The following PCDHA10 variants were observed in gnomAD, a reference collection of about 807,000 sequenced individuals.
PCDHA10 encodes the protein protocadherin alpha 10.
Under a neutral mutation model 61.2 loss-of-function variants are expected in PCDHA10, and 45 were observed. The ratio of observed to expected loss-of-function variants is 0.74; its 90% CI spans 0.58 to 0.94. The LOEUF is 0.94. Among genes scored for constraint, PCDHA10 ranks in the 40% least tolerant of loss-of-function variants. The probability of loss-of-function intolerance (pLI) is 0.00; values close to 1 mark genes in which losing one functional copy is unlikely to be tolerated. For missense variants in PCDHA10, 1,278 were observed against 1,236.2 expected, an observed-to-expected ratio of 1.03 and a Z score of -0.51; for synonymous variants, 602 against 548.8, an observed-to-expected ratio of 1.10 and a Z score of -1.35.
chr5:140,981,690 A>C (rs1410954672), intron 2 of PCDHA10, among the ~76,000 whole-genome samples: 1 of 150,712 alleles, frequency 6.6e-6, no homozygotes, highest in Non-Finnish European at 1.5e-5. Flanking sequence ...CCCTTCCATC[A>C]TTCATTCATT....
At chr5:140,891,504 A>G (rs1225432214) in intron 1 of PCDHA10, among the ~76,000 whole-genome samples, 1 of 151,662 alleles carries the variant, frequency 6.6e-6, no homozygotes, top group Non-Finnish European at 1.5e-5. Context: ...CTCAGCTATA[A>G]TGTTCTCCAA....
chr5:140,902,024 C>T (rs1554190174), intron 1 of PCDHA10, among the ~76,000 whole-genome samples: 5 of 152,016 alleles, frequency 3.3e-5, no homozygotes, highest in Non-Finnish European at 1.5e-5. Flanking sequence ...TATAGAAATA[C>T]TACTAATTTT....
At chr5:140,918,971 T>C (rs1342049692) in intron 1 of PCDHA10, among the ~76,000 whole-genome samples, 3 of 152,234 alleles carry the variant, frequency 2.0e-5, no homozygotes, top group Admixed American at 6.5e-5. Flanking sequence ...AGATATCGTT[T>C]AGGTTAGTTG....
chr5:141,009,545 A>G, intron 3 of PCDHA10, 82 bp from the exon 4 acceptor site: 2 of 1,535,938 alleles, frequency 1.3e-6, no homozygotes, highest in Non-Finnish European at 1.8e-6. Flanking sequence ...CTGCCTATGC[A>G]GTACTCCTGT....
chr5:140,881,803 T>A (rs574659861), intron 1 of PCDHA10, among the ~76,000 whole-genome samples: 5 of 152,058 alleles, frequency 3.3e-5, no homozygotes, highest in Non-Finnish European at 7.3e-5. Context: ...CCAAAACGAG[T>A]GTCGAATATT....
At chr5:140,922,655 C>G (rs1468761948) in intron 1 of PCDHA10, among the ~76,000 whole-genome samples, 1 of 152,134 alleles carries the variant, frequency 6.6e-6, no homozygotes, top group Non-Finnish European at 1.5e-5. Context: ...GTAAATATGG[C>G]TATACTGCAA....
At chr5:140,895,862 A>T (rs1199310977) in intron 1 of PCDHA10, among the ~76,000 whole-genome samples, 1 of 152,136 alleles carries the variant, frequency 6.6e-6, no homozygotes, top group Non-Finnish European at 1.5e-5. Context: ...CCCAGGCTGG[A>T]GTGCAATGGC....
chr5:140,944,255 A>G (rs1266795910), intron 1 of PCDHA10, among the ~76,000 whole-genome samples: 5 of 152,098 alleles, frequency 3.3e-5, no homozygotes, highest in African/African-American at 1.2e-4. Context: ...TGATGTGATC[A>G]CTGCTCACTG....
chr5:140,936,615 G>T (rs1052104404), intron 1 of PCDHA10, among the ~76,000 whole-genome samples: 1 of 152,178 alleles, frequency 6.6e-6, no homozygotes, highest in Non-Finnish European at 1.5e-5. Context: ...CTGCTACTGT[G>T]CAGTGCTACC....
rs2098421437 is a variant in PCDHA10, at chr5:141,011,660, T to G, written c.*1723T>G. The G allele has an allele frequency of 6.5e-6, 1 of 153,726 alleles. No individual in the cohort carries two copies. Among genetic ancestry groups the G allele is most frequent in the African/African-American group, 2.4e-5 (1 of 41,436 alleles). The allele number at this position is 153,726 out of a possible 1,614,324, so 9.5% of individuals were successfully genotyped here. On this transcript the variant is annotated 3_prime_UTR_variant, in exon 4 of 4. Coordinates refer to ENST00000307360, the MANE Select transcript of PCDHA10 (RefSeq NM_018901.4). ...GCCAAGACTTCTGCTGGCAAGGGAATGGATAAAGCTGTTTTGTTCTAGTAA... is the reference window on the plus strand; with the variant it reads ...GCCAAGACTTCTGCTGGCAAGGGAAGGGATAAAGCTGTTTTGTTCTAGTAA...
At position 141,010,553 on chromosome 5, in the gene PCDHA10, C is replaced by T; in HGVS notation, c.*616C>T. ...CCACCCTCTAGGAGACAAAACTACC[C>T]CCACTGACAAGGCTTTAGGAGACCC... is the stretch of plus-strand genomic sequence containing the variant. On this transcript the variant is annotated 3_prime_UTR_variant, in exon 4 of 4. Transcript: ENST00000307360. The T allele has an allele frequency of 6.2e-6, 2 of 323,850 alleles. No homozygotes were observed. The highest frequency in any genetic ancestry group is 1.1e-5 in the Non-Finnish European group (2 of 176,368). 20.1% of individuals were successfully genotyped at this position (323,850 alleles called of 1,614,324 possible). A position where few individuals can be genotyped will look rare whatever the true frequency, so the allele number is the denominator to read the frequency against.
chr5:140,885,525 A>G (rs1206570848), intron 1 of PCDHA10, among the ~76,000 whole-genome samples: 4 of 152,128 alleles, frequency 2.6e-5, no homozygotes, highest in Admixed American at 6.6e-5. Flanking sequence ...ATCATTTCAT[A>G]TATTTCCCAA....
intron 1 of PCDHA10, among the ~76,000 whole-genome samples, chr5:140,946,207 A>G (rs1435472095): frequency 2.0e-5 from 3 of 152,068 alleles, no homozygotes; most frequent in Non-Finnish European, 4.4e-5. Flanking sequence ...AAAGCACACA[A>G]ATGACCAACA....
chr5:140,947,551 C>G (rs1203978810), intron 1 of PCDHA10, among the ~76,000 whole-genome samples: 3 of 151,488 alleles, frequency 2.0e-5, no homozygotes, highest in Non-Finnish European at 4.4e-5. Context: ...AAGAATTCCG[C>G]TGGGATTTAT....
intron 3 of PCDHA10, among the ~76,000 whole-genome samples, chr5:140,990,800 A>C (rs1474894854): frequency 3.9e-5 from 6 of 152,216 alleles, no homozygotes; most frequent in Non-Finnish European, 2.9e-5. Context: ...CATGGAATAC[A>C]GAAGAAGCTC....
intron 3 of PCDHA10, among the ~76,000 whole-genome samples, chr5:140,988,691 G>A (rs1205492528): frequency 6.6e-6 from 1 of 152,114 alleles, no homozygotes; most frequent in African/African-American, 2.4e-5. Context: ...TTCCCTAGAC[G>A]CTCTGTATTT....
chr5:140,863,120 C>T, intron 1 of PCDHA10: 4 of 591,460 alleles, frequency 6.8e-6, no homozygotes, highest in Non-Finnish European at 1.0e-5. Context: ...GCGAAAGCTA[C>T]GCGCCACCGC....
chr5:140,856,282 G>T lies in PCDHA10; in HGVS notation c.234G>T (p.Leu78=), dbSNP rs1554148485. ...KRHGDLLEVN[L]QNGILFVNSR... is the part of the protein sequence containing the mutation. ...ACGGGGACCTTCTGGAGGTAAATCT[G>T]CAGAATGGCATTTTGTTTGTGAATT... The change falls in exon 1 of 4, where the codon CTG becomes CTT. Residue 78 remains leucine, a synonymous_variant. Transcript: ENST00000307360. The T allele has an allele frequency of 6.3e-7, 1 of 1,598,456 alleles. No individual in the cohort carries two copies. Among genetic ancestry groups the T allele is most frequent in the African/African-American group, 1.3e-5 (1 of 74,414 alleles).
At chr5:140,978,873 A>G in intron 1 of PCDHA10, 76 bp from the exon 2 acceptor site, 2 of 1,608,618 alleles carry the variant, frequency 1.2e-6, no homozygotes, top group Non-Finnish European at 1.7e-6. Flanking sequence ...TAAGGGAGTA[A>G]CTAATCAATT....
Sources: allele counts gnomAD v4.1 joint callset (sites outside exome capture counted in the v4.1 genomes callset), GRCh38; gene constraint gnomAD v4.1.1; transcripts MANE v1.5; gene names NCBI Gene and HGNC (gene_info 2026-07-23, HGNC 2026-07-21).